KLRG1: variants seen among roughly 807,000 people sequenced by gnomAD.
KLRG1 encodes killer cell lectin like receptor G1, also known as killer cell lectin-like receptor subfamily G member 1.
A neutral mutation model predicts 21.8 loss-of-function variants in KLRG1; 16 were observed. The observed-to-expected ratio is 0.73, with a 90% CI of 0.50 to 1.11. KLRG1 has a LOEUF of 1.11. Ranked by LOEUF, KLRG1 falls within the 50% of genes most tolerant of loss-of-function variation. KLRG1 has a pLI of 0.00. For missense variants in KLRG1, 173 were observed against 218.3 expected, an observed-to-expected ratio of 0.79 and a Z score of 1.31; for synonymous variants, 69 against 75.9, an observed-to-expected ratio of 0.91 and a Z score of 0.47.
chr12:9,113,633 A>G, the KLRG1 span: 1 of 1,280,360 alleles, frequency 7.8e-7, no homozygotes, highest in Non-Finnish European at 1.1e-6. Context: ...AATTATCATC[A>G]TCAGTTCTAC....
chr12:9,204,466 C>T, the KLRG1 span, among the ~76,000 whole-genome samples: 2 of 152,182 alleles, frequency 1.3e-5, no homozygotes, highest in Non-Finnish European at 2.9e-5. Context: ...TATATCATTA[C>T]ACAAAATAAC....
the KLRG1 span, among the ~76,000 whole-genome samples, chr12:9,166,772 G>A: frequency 1.3e-5 from 2 of 152,246 alleles, no homozygotes; most frequent in African/African-American, 4.8e-5. Flanking sequence ...AAACAATTCA[G>A]TTGTCAAAAA....
the KLRG1 span, among the ~76,000 whole-genome samples, chr12:9,035,094 T>C: frequency 6.6e-6 from 1 of 152,312 alleles, no homozygotes; most frequent in East Asian, 1.9e-4. Context: ...TATTTTTGTA[T>C]AGCTGTACAA....
At chr12:9,170,987 C>G in the KLRG1 span, among the ~76,000 whole-genome samples, 1 of 152,202 alleles carries the variant, frequency 6.6e-6, no homozygotes, top group Non-Finnish European at 1.5e-5. The surrounding 1 kb of genome is among the most constrained non-coding windows in gnomAD (Gnocchi z 4.6). Context: ...CCCACCTGCT[C>G]TACCAAAAAG....
At chr12:9,106,348 GA>G in the KLRG1 span, 1 of 1,576,894 alleles carries the variant, frequency 6.3e-7, no homozygotes, top group Non-Finnish European at 8.7e-7. Flanking sequence ...TTCCACCACT[GA>G]AAAAAGAGAA....
the KLRG1 span, among the ~76,000 whole-genome samples, chr12:9,145,838 T>C: frequency 2.0e-5 from 3 of 152,342 alleles, no homozygotes; most frequent in South Asian, 6.2e-4. Flanking sequence ...AGCAGGTTTG[T>C]ATTATTTTAC....
chr12:9,082,353 T>C, the KLRG1 span, among the ~76,000 whole-genome samples: 3 of 152,154 alleles, frequency 2.0e-5, no homozygotes, highest in East Asian at 3.9e-4. Flanking sequence ...CCAGAGGCCA[T>C]TGTAGTACCC....
intron 1 of KLRG1, 90 bp downstream of exon 1, chr12:8,989,807 G>A: frequency 1.3e-6 from 1 of 743,506 alleles, no homozygotes. Flanking sequence ...AGCAGAGGGT[G>A]CAGAAGAATT....
chr12:8,968,343 T>C (rs1946513075), intron 1 of KLRG1, among the ~76,000 whole-genome samples: 2 of 152,130 alleles, frequency 1.3e-5, no homozygotes, highest in African/African-American at 4.8e-5. Flanking sequence ...ACAAGAAATA[T>C]TACTAAGCCT....
At chr12:9,172,883 C>T in the KLRG1 span, among the ~76,000 whole-genome samples, 1 of 152,218 alleles carries the variant, frequency 6.6e-6, no homozygotes, top group African/African-American at 2.4e-5. Context: ...TAGCGAGAGA[C>T]TTTAACACAC....
the KLRG1 span, chr12:9,027,826 A>G: frequency 2.7e-6 from 3 of 1,119,076 alleles, no homozygotes; most frequent in Admixed American, 1.7e-5. Flanking sequence ...ATGACCATGA[A>G]GTTTTCTCCA....
chr12:9,077,504 A>G, the KLRG1 span: 1 of 1,485,604 alleles, frequency 6.7e-7, no homozygotes, highest in Non-Finnish European at 9.2e-7. Flanking sequence ...GTGTCATGGA[A>G]TTCATCCTTA....
chr12:8,966,326 A>G (rs1022448379), intron 1 of KLRG1, among the ~76,000 whole-genome samples: 2 of 152,112 alleles, frequency 1.3e-5, no homozygotes, highest in African/African-American at 4.8e-5. Context: ...ACAAAAGCCA[A>G]AATTGACAAA....
the KLRG1 span, among the ~76,000 whole-genome samples, chr12:9,092,384 C>G: frequency 6.6e-6 from 1 of 152,064 alleles, no homozygotes; most frequent in Non-Finnish European, 1.5e-5. Context: ...TTTAAATAGG[C>G]CTTTGAGCAA....
At chr12:9,153,686 A>C in the KLRG1 span, among the ~76,000 whole-genome samples, 3 of 152,348 alleles carry the variant, frequency 2.0e-5, no homozygotes, top group South Asian at 6.2e-4. Context: ...TAGATGGAAG[A>C]GTGATAAAAA....
the KLRG1 span, among the ~76,000 whole-genome samples, chr12:9,073,654 G>A: frequency 0.017 from 2,590 of 152,170 alleles, 76 homozygotes; most frequent in African/African-American, 0.059. Flanking sequence ...GCAAACATCC[G>A]AATTCTCTGA....
chr12:9,013,744 TTACCTCCCACCAGG>T (rs1333015727), downstream of KLRG1, among the ~76,000 whole-genome samples: 1 of 151,942 alleles, frequency 6.6e-6, no homozygotes, highest in Non-Finnish European at 1.5e-5. Flanking sequence ...CATGATTCAA[TTACCTCCCACCAGG>T]TACCTCCCAC....
At chr12:9,072,468 T>C in the KLRG1 span, 41 of 1,612,026 alleles carry the variant, frequency 2.5e-5, no homozygotes, top group Non-Finnish European at 3.3e-5. Context: ...TCTGGGAGAA[T>C]ATTGTATTTC....
At chr12:9,014,563 CAGA>C (rs1008212630), downstream of KLRG1, among the ~76,000 whole-genome samples, 13 of 151,970 alleles carry the variant, frequency 8.6e-5, no homozygotes, top group Admixed American at 5.2e-4. Context: ...CAAACAAAAG[CAGA>C]AGGATTTAGT....
Sources: gnomAD v4.1 joint callset for allele counts (sites outside exome capture counted in the v4.1 genomes callset) on GRCh38, gnomAD v4.1.1 for gene constraint, Gnocchi (gnomAD v3.1) non-coding constraint, MANE v1.5 for transcripts, NCBI Gene and HGNC (gene_info 2026-07-23, HGNC 2026-07-21) for gene names.